The following TNPO3 variants were observed in gnomAD, a reference collection of about 807,000 sequenced individuals.
TNPO3 encodes the protein transportin 3, also known as transportin-3.
In TNPO3, 65 loss-of-function variants were observed where a neutral mutation model predicts 122.8. That is an observed-to-expected ratio of 0.53 (90% CI 0.43 to 0.65). TNPO3 has a LOEUF of 0.65. TNPO3 is among the 30% of genes least tolerant of loss of function. The pLI, the probability that TNPO3 is intolerant of heterozygous loss-of-function variation, is 0.00. For synonymous variants in TNPO3, 372 were observed against 411.2 expected (o/e 0.90, Z 1.15); for missense variants, 850 against 1,136.7 (o/e 0.75, Z 3.63).
At chr7:128,967,227 A>G (rs1388553066) in intron 21 of TNPO3, 53 bp downstream of exon 21, 1 of 1,110,740 alleles carries the variant, frequency 9.0e-7, no homozygotes, top group South Asian at 1.3e-5. Context: ...AGAAATAAAG[A>G]TATGTTTCTT....
chr7:129,037,164 T>G (rs1806783590), intron 1 of TNPO3, among the ~76,000 whole-genome samples: 1 of 152,204 alleles, frequency 6.6e-6, no homozygotes, highest in South Asian at 2.1e-4. Context: ...GTATTTAAAA[T>G]ATATGAAGAA....
intron 12 of TNPO3, among the ~76,000 whole-genome samples, chr7:128,985,617 T>C (rs974831886): frequency 1.3e-5 from 2 of 152,084 alleles, no homozygotes; most frequent in East Asian, 1.9e-4. Flanking sequence ...TAAATAAAAA[T>C]TGAAAACCAT....
chr7:129,012,958 A>G (rs1306665462), intron 4 of TNPO3, among the ~76,000 whole-genome samples: 2 of 152,228 alleles, frequency 1.3e-5, no homozygotes, highest in African/African-American at 4.8e-5. Flanking sequence ...CTCCTGCTCT[A>G]GAGTATTAAA....
intron 1 of TNPO3, among the ~76,000 whole-genome samples, chr7:129,027,593 A>C (rs555713805): frequency 2.2e-4 from 13 of 59,294 alleles, no homozygotes; most frequent in South Asian, 5.5e-4. Context: ...AAAAAAAAAC[A>C]ACACAAAAAA....
At chr7:128,983,963 T>C (rs1400665048) in intron 13 of TNPO3, among the ~76,000 whole-genome samples, 1 of 152,234 alleles carries the variant, frequency 6.6e-6, no homozygotes, top group African/African-American at 2.4e-5. Flanking sequence ...GGTTTTTCTG[T>C]TAACACTGAT....
Position 129,053,034 on chromosome 7 carries a change from C to A in TNPO3, c.120+1617G>T, listed in dbSNP as rs186200834. Among the ~76,000 whole-genome samples the A allele has an allele frequency of 1.3e-3, 202 of 152,176 alleles. 4 individuals are homozygous for A. The highest frequency in any genetic ancestry group is 4.7e-3 in the African/African-American group (195 of 41,526). ...GTTTTTTAGGTTTAATATTCAAAGTCAAAGTTGCAGCGGGGGGCGATGGCT... is the reference window on the plus strand; with the variant it reads ...GTTTTTTAGGTTTAATATTCAAAGTAAAAGTTGCAGCGGGGGGCGATGGCT... On this transcript the variant is annotated intron_variant, in intron 1 of 22. Coordinates refer to ENST00000265388, the MANE Select transcript of TNPO3 (RefSeq NM_012470.4).
At chr7:129,001,357 T>C in intron 5 of TNPO3, 123 bp from the exon 6 acceptor site, 1 of 772,698 alleles carries the variant, frequency 1.3e-6, no homozygotes, top group Non-Finnish European at 1.9e-6. Context: ...TATAAGTAAA[T>C]AATAATACAA....
rs1175635618 is a variant in TNPO3 at position 128,980,023 on chromosome 7, T to C, written c.1868A>G (p.Asn623Ser). ...DRLAVIFRHTNPIVENGQTHP... is the reference protein window; with the variant it reads ...DRLAVIFRHTSPIVENGQTHP... ...AGTCTGTCCATTTTCCACAATGGGATTGGTATGCCTGGGAAAAGACAACAG... is the reference window on the plus strand; with the variant it reads ...AGTCTGTCCATTTTCCACAATGGGACTGGTATGCCTGGGAAAAGACAACAG... The change falls in exon 15 of 23, where the codon AAT (asparagine) becomes AGT (serine). Residue 623 changes from asparagine to serine, a missense_variant. Asn to Ser is a conservative substitution (Grantham distance 46). Transcript: ENST00000265388. 3.1e-6 allele frequency: 5 copies of C among 1,614,012 alleles called. No individual in the cohort carries two copies. The highest frequency in any genetic ancestry group is 3.3e-4 in the Middle Eastern group (2 of 6,080).
chr7:129,035,249 G>A (rs1806491888), intron 1 of TNPO3, among the ~76,000 whole-genome samples: 1 of 152,204 alleles, frequency 6.6e-6, no homozygotes, highest in Admixed American at 6.5e-5. Flanking sequence ...AGTCCGGCCT[G>A]GGCGAAAGAG....
intron 13 of TNPO3, among the ~76,000 whole-genome samples, chr7:128,983,370 C>A (rs957704078): frequency 6.6e-6 from 1 of 152,056 alleles, no homozygotes; most frequent in African/African-American, 2.4e-5. Context: ...CCACACCTGG[C>A]TAATTTTTTG....
rs1809313217 is a variant in TNPO3 at position 129,054,941 on chromosome 7, C to T, written c.-171G>A. The T allele has an allele frequency of 3.8e-6, 3 of 795,110 alleles. No homozygotes were observed. Among genetic ancestry groups the T allele is most frequent in the South Asian group, 3.6e-5 (2 of 55,998 alleles). 49.3% of individuals were successfully genotyped at this position (795,110 alleles called of 1,614,324 possible). On this transcript the variant is annotated 5_prime_UTR_variant, in exon 1 of 23. Coordinates refer to ENST00000265388, the MANE Select transcript of TNPO3 (RefSeq NM_012470.4). ...AGAAGGCTCTCCGTGGAAGTTGCCCCCTCGGAAACAGCTATTAGGTCGTAT... is the reference window on the plus strand; with the variant it reads ...AGAAGGCTCTCCGTGGAAGTTGCCCTCTCGGAAACAGCTATTAGGTCGTAT...
At chr7:128,963,510 AATAT>A (rs1797662039) in intron 21 of TNPO3, among the ~76,000 whole-genome samples, 1 of 152,214 alleles carries the variant, frequency 6.6e-6, no homozygotes, top group Non-Finnish European at 1.5e-5. Flanking sequence ...CACCCCAGTC[AATAT>A]ATGCCTACCC....
At chr7:128,994,009 T>G in intron 8 of TNPO3, 95 bp from the exon 9 acceptor site, 2 of 1,155,982 alleles carry the variant, frequency 1.7e-6, no homozygotes, top group Non-Finnish European at 2.5e-6. Flanking sequence ...CATTAAGCAG[T>G]CAAGTTTCAA....
chr7:129,006,871 CT>C (rs527388201), intron 4 of TNPO3, among the ~76,000 whole-genome samples: 7 of 152,244 alleles, frequency 4.6e-5, no homozygotes, highest in Admixed American at 4.6e-4. Flanking sequence ...CCACAGAAGG[CT>C]ATTTAAGATA....
intron 19 of TNPO3, 50 bp downstream of exon 19, chr7:128,972,376 G>C (rs780159288): frequency 4.5e-6 from 7 of 1,561,518 alleles, no homozygotes; most frequent in South Asian, 2.4e-5. Context: ...ATGACAAAGA[G>C]ATAGGAGATA....
At chr7:128,955,589 C>T (rs1223242389) in intron 22 of TNPO3, among the ~76,000 whole-genome samples, 3 of 152,108 alleles carry the variant, frequency 2.0e-5, no homozygotes, top group Non-Finnish European at 2.9e-5. Flanking sequence ...AATGAGACAC[C>T]GTCTGCAGTG....
At chr7:128,972,372 A>G (rs181332501) in intron 19 of TNPO3, 54 bp downstream of exon 19, 55 of 1,558,580 alleles carry the variant, frequency 3.5e-5, no homozygotes, top group Non-Finnish European at 4.5e-5. Flanking sequence ...AGGAATGACA[A>G]AGAGATAGGA....
Position 129,054,777 on chromosome 7 carries a change from G to A in TNPO3, c.-7C>T, listed in dbSNP as rs943426828. On this transcript the variant is annotated 5_prime_UTR_variant, in exon 1 of 23. Coordinates refer to ENST00000265388, the MANE Select transcript of TNPO3 (RefSeq NM_012470.4). ...TCGGCTTTGCTCCTTCCATGGTGGT[G>A]GCGGTAGTGGCGGTAGCGACGGCTC... is the stretch of plus-strand genomic sequence containing the variant. 8 of 1,614,044 alleles carry A rather than the reference G, an allele frequency of 5.0e-6. No homozygotes were observed. Among genetic ancestry groups the A allele is most frequent in the Non-Finnish European group, 6.8e-6 (8 of 1,179,970 alleles).
intron 5 of TNPO3, among the ~76,000 whole-genome samples, chr7:129,004,742 G>A (rs1035789033): frequency 2.0e-5 from 3 of 152,016 alleles, no homozygotes; most frequent in Non-Finnish European, 2.9e-5. Context: ...TTTAAAACAA[G>A]GAAAAAGATA....
Sources: allele counts gnomAD v4.1 joint callset (sites outside exome capture counted in the v4.1 genomes callset), GRCh38; gene constraint gnomAD v4.1.1; transcripts MANE v1.5; gene names NCBI Gene and HGNC (gene_info 2026-07-23, HGNC 2026-07-21).